The following ITFG1 variants were observed in gnomAD, a reference collection of about 807,000 sequenced individuals.
The protein encoded by ITFG1 is T-cell immunomodulatory protein.
In ITFG1, 34 loss-of-function variants were observed where a neutral mutation model predicts 81.8. The ratio of observed to expected loss-of-function variants is 0.42; its 90% CI spans 0.32 to 0.55. ITFG1 has a LOEUF of 0.55. Ranked by LOEUF, ITFG1 falls within the 20% of genes least tolerant of loss-of-function variation. The probability of loss-of-function intolerance (pLI) is 0.17; values close to 1 mark genes in which losing one functional copy is unlikely to be tolerated. For synonymous variants in ITFG1, 285 were observed against 270.6 expected (o/e 1.05, Z -0.52); for missense variants, 672 against 755.4 (o/e 0.89, Z 1.29).
At position 47,260,596 on chromosome 16, in the gene ITFG1, T is replaced by G; in HGVS notation, c.1170A>C (p.Leu390=). The part of the protein sequence containing the change: ...MFKVYWELTD[L]NQIKDAMVAT... ...CAACCATGGCATCCTTAATTTGATT[T>G]AGGTCTGTCAGCTCCCAGTAGACTT... Residue 390 remains leucine, a synonymous_variant, in exon 11 of 18, where the codon CTA becomes CTC. Transcript: ENST00000320640. 1 of 1,614,172 alleles carries G rather than the reference T, an allele frequency of 6.2e-7. No individual in the cohort carries two copies. The highest frequency in any genetic ancestry group is 8.5e-7 in the Non-Finnish European group (1 of 1,180,016).
At chr16:47,415,628 A>C (rs1270733047) in intron 6 of ITFG1, among the ~76,000 whole-genome samples, 1 of 152,230 alleles carries the variant, frequency 6.6e-6, no homozygotes, top group Non-Finnish European at 1.5e-5. Context: ...CCATTTCAAT[A>C]ATGTAAGATA....
intron 6 of ITFG1, among the ~76,000 whole-genome samples, chr16:47,404,006 T>C (rs982976186): frequency 1.3e-5 from 2 of 151,962 alleles, no homozygotes; most frequent in African/African-American, 4.8e-5. Context: ...TTTCATCACA[T>C]ATTACAATGT....
intron 5 of ITFG1, chr16:47,450,103 G>A (rs1465055123): frequency 6.5e-6 from 1 of 153,274 alleles, no homozygotes; most frequent in South Asian, 2.0e-4. Context: ...ATTTGCTGTG[G>A]AAGGAGCGGA....
chr16:47,176,953 CTTTTTTTTT>C (rs746522529), intron 14 of ITFG1, among the ~76,000 whole-genome samples: 2 of 135,198 alleles, frequency 1.5e-5, no homozygotes, highest in African/African-American at 5.4e-5. Flanking sequence ...TCTTCTTCTT[CTTTTTTTTT>C]TTTTTTTTTA....
chr16:47,372,112 C>T (rs952794970), intron 7 of ITFG1, among the ~76,000 whole-genome samples: 5 of 152,040 alleles, frequency 3.3e-5, no homozygotes, highest in African/African-American at 9.7e-5. Flanking sequence ...GGGGTTTCAC[C>T]GTGTTAGCCA....
At chr16:47,353,968 C>T (rs1968003689) in intron 8 of ITFG1, among the ~76,000 whole-genome samples, 1 of 151,910 alleles carries the variant, frequency 6.6e-6, no homozygotes, top group Non-Finnish European at 1.5e-5. Flanking sequence ...TTAAAATGAC[C>T]ACACTACCCA....
chr16:47,347,004 C>T (rs1967864632), intron 8 of ITFG1, among the ~76,000 whole-genome samples: 1 of 152,170 alleles, frequency 6.6e-6, no homozygotes, highest in Non-Finnish European at 1.5e-5. Context: ...TCAAAAATGC[C>T]TCAACAAAAC....
At chr16:47,191,781 C>T (rs1965296665) in intron 14 of ITFG1, among the ~76,000 whole-genome samples, 1 of 152,124 alleles carries the variant, frequency 6.6e-6, no homozygotes, top group South Asian at 2.1e-4. Flanking sequence ...TGCCCAAGTG[C>T]TGGGATTACA....
chr16:47,253,958 A>AT (rs1412887271), intron 12 of ITFG1, among the ~76,000 whole-genome samples: 2 of 152,124 alleles, frequency 1.3e-5, no homozygotes, highest in Non-Finnish European at 2.9e-5. Context: ...TATTGGAACA[A>AT]TTTTTAAAAA....
chr16:47,203,153 A>G (rs776928652), intron 14 of ITFG1, among the ~76,000 whole-genome samples: 1 of 152,188 alleles, frequency 6.6e-6, no homozygotes, highest in African/African-American at 2.4e-5. Context: ...CTAAAATGAA[A>G]TATTATTCAG....
intron 14 of ITFG1, among the ~76,000 whole-genome samples, chr16:47,209,993 C>T (rs1350276687): frequency 1.3e-5 from 2 of 152,088 alleles, no homozygotes; most frequent in Admixed American, 6.6e-5. Context: ...ATTATGAATA[C>T]AGCTGGTATA....
chr16:47,181,211 C>T (rs1965108363), intron 14 of ITFG1, among the ~76,000 whole-genome samples: 1 of 149,326 alleles, frequency 6.7e-6, no homozygotes, highest in Non-Finnish European at 1.5e-5. Flanking sequence ...AGTGAGGAGA[C>T]CCTCTGCCCG....
At chr16:47,372,033 C>T (rs1968262042) in intron 7 of ITFG1, among the ~76,000 whole-genome samples, 1 of 151,934 alleles carries the variant, frequency 6.6e-6, no homozygotes, top group Non-Finnish European at 1.5e-5. Flanking sequence ...CCTACCTCAG[C>T]CCCCCAGTAG....
chr16:47,400,221 A>C (rs1479313186), intron 6 of ITFG1, among the ~76,000 whole-genome samples: 1 of 152,172 alleles, frequency 6.6e-6, no homozygotes, highest in Non-Finnish European at 1.5e-5. Context: ...TCCTTCACTC[A>C]TTCAAATATG....
At position 47,206,315 on chromosome 16, in the gene ITFG1, A is replaced by T. The variant is rs151050900; in HGVS notation, c.1453+12553T>A. The stretch of plus-strand genomic sequence containing the variant: ...CACCAGTCATCTTTCTCAGTAAGAG[A>T]CAGCTACCCTGCTACCTATGGCTCA... On this transcript the variant is annotated intron_variant, in intron 14 of 17. Transcript: ENST00000320640. 3.3e-5 allele frequency among the ~76,000 whole-genome samples: 5 copies of T among 152,298 alleles called. No individual in the cohort carries two copies. The East Asian group carries it at 9.6e-4, about 29-fold the overall frequency.
intron 6 of ITFG1, among the ~76,000 whole-genome samples, chr16:47,399,504 C>T (rs547678302): frequency 2.5e-4 from 38 of 151,404 alleles, no homozygotes; most frequent in African/African-American, 8.5e-4. Context: ...ACCCGGGAGG[C>T]AGAGCTTGCA....
intron 5 of ITFG1, among the ~76,000 whole-genome samples, chr16:47,437,569 T>C (rs559697259): frequency 6.6e-6 from 1 of 151,870 alleles, no homozygotes; most frequent in South Asian, 2.1e-4. Flanking sequence ...GGAAGAAAAG[T>C]TGTGGATGAA....
At chr16:47,210,699 T>G (rs1965552002) in intron 14 of ITFG1, among the ~76,000 whole-genome samples, 1 of 152,182 alleles carries the variant, frequency 6.6e-6, no homozygotes, top group South Asian at 2.1e-4. Flanking sequence ...TTTGTAACTT[T>G]GTGAAAAACC....
intron 10 of ITFG1, among the ~76,000 whole-genome samples, chr16:47,309,213 C>T (rs1241335526): frequency 3.3e-5 from 5 of 151,814 alleles, no homozygotes; most frequent in South Asian, 2.1e-4. Context: ...GGACTACAGG[C>T]GCCCACCACC....
Sources: allele counts gnomAD v4.1 joint callset (sites outside exome capture counted in the v4.1 genomes callset), GRCh38; gene constraint gnomAD v4.1.1; transcripts MANE v1.5; gene names NCBI Gene and HGNC (gene_info 2026-07-23, HGNC 2026-07-21).